The following OSBP2 variants were observed in gnomAD, a reference collection of about 807,000 sequenced individuals.
The protein encoded by OSBP2 is oxysterol-binding protein 2.
Under a neutral mutation model 96.0 loss-of-function variants are expected in OSBP2, and 66 were observed. The observed-to-expected ratio is 0.69, with a 90% confidence interval of 0.56 to 0.84. The LOEUF is 0.84. Ranked by LOEUF, OSBP2 falls within the 40% of genes least tolerant of loss-of-function variation. The pLI is 0.00. For synonymous variants in OSBP2, 525 were observed against 520.9 expected, an observed-to-expected ratio of 1.01 and a Z score of -0.11; for missense variants, 1,038 against 1,222.7, an observed-to-expected ratio of 0.85 and a Z score of 2.25.
intron 2 of OSBP2, among the ~76,000 whole-genome samples, chr22:30,807,395 C>A (rs1216844292): frequency 6.6e-6 from 1 of 152,214 alleles, no homozygotes; most frequent in Non-Finnish European, 1.5e-5. Flanking sequence ...AGCCAGGGTG[C>A]CTCCCTGCAC....
At chr22:30,878,263 C>T (rs1309702417) in intron 3 of OSBP2, among the ~76,000 whole-genome samples, 1 of 152,266 alleles carries the variant, frequency 6.6e-6, no homozygotes, top group East Asian at 1.9e-4. Context: ...TGCATTTTAG[C>T]AAGACCCCTC....
rs373508850 is a variant in OSBP2 at position 30,890,884 on chromosome 22, C to T, written c.1780C>T (p.Arg594Cys). Residue 594 changes from arginine (R) to cysteine (C), a missense_variant, in exon 8 of 14, where the codon CGC (arginine) becomes TGC (cysteine). By Grantham distance (180) the Arg-to-Cys change is radical (BLOSUM62 -3). Coordinates refer to ENST00000332585, the MANE Select transcript of OSBP2 (RefSeq NM_030758.4). This position sits in a 1 kb window ranked among gnomAD's most constrained non-coding sequence, Gnocchi z 4.4. ...GTCCTCCTACTCCACCACAGTGCAC[C>T]GCATCGCCAAGCCCTTCAACCCCAT... is the stretch of plus-strand genomic sequence containing the variant. ...SVSSYSTTVH[R>C]IAKPFNPMLG... is the part of the protein sequence containing the mutation. 20 of 1,613,546 alleles carry T rather than the reference C, an allele frequency of 1.2e-5. No individual in the cohort carries two copies. The highest frequency in any genetic ancestry group is 1.0e-5 in the Non-Finnish European group (12 of 1,180,040).
At chr22:30,815,029 C>T (rs1006886846) in intron 2 of OSBP2, among the ~76,000 whole-genome samples, 13 of 152,166 alleles carry the variant, frequency 8.5e-5, no homozygotes, top group African/African-American at 3.1e-4. Context: ...CACCTGTAAT[C>T]CCAGCACTTT....
rs1169363652 is a variant in OSBP2 at position 30,864,184 on chromosome 22, C to T, written c.854-6245C>T. Reference sequence around the variant, plus strand: ...ATGGGGTTTCACCATATTGGCCAGGCTGGTCTCAAACTCCTGACCTCAGGT... The same window carrying T: ...ATGGGGTTTCACCATATTGGCCAGGTTGGTCTCAAACTCCTGACCTCAGGT... On this transcript the variant is annotated intron_variant, in intron 2 of 13. Transcript: ENST00000332585. Among the ~76,000 whole-genome samples, 4 of 152,252 alleles carry T rather than the reference C, an allele frequency of 2.6e-5. No individual in the cohort carries two copies. In the East Asian group the frequency reaches 7.7e-4, roughly 29 times the overall value.
chr22:30,804,205 G>A (rs529960608), intron 2 of OSBP2, among the ~76,000 whole-genome samples: 22 of 152,322 alleles, frequency 1.4e-4, no homozygotes, highest in African/African-American at 5.1e-4. Flanking sequence ...GGAGGAGAGG[G>A]AGTGGAGAGG....
intron 1 of OSBP2, among the ~76,000 whole-genome samples, chr22:30,722,787 CTTT>C (rs34874706): frequency 2.1e-5 from 2 of 95,862 alleles, no homozygotes; most frequent in Non-Finnish European, 4.1e-5. Context: ...CTCTCTCTGT[CTTT>C]TTTTTTTTTT....
chr22:30,832,568 G>A (rs1000441571), intron 2 of OSBP2, among the ~76,000 whole-genome samples: 2 of 152,184 alleles, frequency 1.3e-5, no homozygotes, highest in Non-Finnish European at 2.9e-5. Flanking sequence ...GGCAGGAGCT[G>A]CTGCTTGTAT....
chr22:30,822,463 A>T, intron 2 of OSBP2: 2 of 1,246,776 alleles, frequency 1.6e-6, no homozygotes, highest in Non-Finnish European at 2.1e-6. Flanking sequence ...GCGCTCATGT[A>T]CCGGGTGGCG....
intron 2 of OSBP2, among the ~76,000 whole-genome samples, chr22:30,794,512 G>T (rs1335113495): frequency 6.6e-6 from 1 of 151,766 alleles, no homozygotes; most frequent in Non-Finnish European, 1.5e-5. Context: ...TGATCCGCCC[G>T]CCTCAGCCTC....
chr22:30,797,849 C>T (rs948845285), intron 2 of OSBP2, among the ~76,000 whole-genome samples: 2 of 152,210 alleles, frequency 1.3e-5, no homozygotes, highest in Non-Finnish European at 2.9e-5. Context: ...CCACCTTGGT[C>T]TCCCAAAGTG....
chr22:30,892,696 A>C (rs1026792649), intron 8 of OSBP2, among the ~76,000 whole-genome samples: 1 of 152,120 alleles, frequency 6.6e-6, no homozygotes, highest in Non-Finnish European at 1.5e-5. Flanking sequence ...CCCCTTGGCT[A>C]AAATCACTCT....
At chr22:30,775,523 A>T (rs2090419934) in intron 2 of OSBP2, among the ~76,000 whole-genome samples, 1 of 151,832 alleles carries the variant, frequency 6.6e-6, no homozygotes, top group Non-Finnish European at 1.5e-5. Flanking sequence ...AGGCTGAGGC[A>T]AGAGAATCGC....
Position 30,863,979 on chromosome 22 carries a change from T to G in OSBP2, c.854-6450T>G, listed in dbSNP as rs193087089. Among the ~76,000 whole-genome samples the G allele has an allele frequency of 1.5e-3, 223 of 151,972 alleles. 1 individual carries two copies. In the Middle Eastern group the frequency reaches 0.024, roughly 16 times the overall value. On this transcript the variant is annotated intron_variant, in intron 2 of 13. Transcript: ENST00000332585. ...GCCATCATGTTTTTTTTTTGTTGTT[T>G]TTTTTTTTTGAAACGGAGTCTGACT... is the stretch of plus-strand genomic sequence containing the variant.
intron 1 of OSBP2, among the ~76,000 whole-genome samples, chr22:30,740,198 G>A (rs5997751): frequency 0.02 from 3,058 of 152,210 alleles, 104 homozygotes; most frequent in African/African-American, 0.068. Flanking sequence ...GAACCAGTAA[G>A]CCAGGAGTGC....
In OSBP2 at chr22:30,728,029, C is replaced by T. The variant is rs141654415; in HGVS notation, c.645-13132C>T. On this transcript the variant is annotated intron_variant, in intron 1 of 13. Transcript: ENST00000332585. ...CTGAGGCAGGAAAATTGCTTGAACCCGGGAGGTGAGGTTGCCATGAGCCGA... is the reference window on the plus strand; with the variant it reads ...CTGAGGCAGGAAAATTGCTTGAACCTGGGAGGTGAGGTTGCCATGAGCCGA... Among the ~76,000 whole-genome samples, 407 of 146,286 alleles carry T rather than the reference C, an allele frequency of 2.8e-3. 1 individual carries two copies. Among genetic ancestry groups the T allele is most frequent in the African/African-American group, 9.7e-3 (381 of 39,454 alleles).
At position 30,905,960 on chromosome 22, in the gene OSBP2, T is replaced by C. The variant is rs537321354; in HGVS notation, c.2499T>C (p.Arg833=). Residue 833 remains arginine (R), a synonymous_variant, in exon 13 of 14, where the codon CGT becomes CGC. Transcript: ENST00000332585. ...RPDQRLMEKG[R]WDEANTEKQR... is the part of the protein sequence containing the mutation. ...ACCAGCGGCTGATGGAGAAGGGCCG[T>C]TGGGACGAGGCCAATACCGAGAAGC... 461 of 1,610,924 alleles carry C rather than the reference T, an allele frequency of 2.9e-4. 5 individuals carry two copies. The South Asian group carries it at 4.9e-3, about 17-fold the overall frequency.
chr22:30,862,948 G>A (rs1000306179), intron 2 of OSBP2, among the ~76,000 whole-genome samples: 11 of 146,788 alleles, frequency 7.5e-5, no homozygotes, highest in South Asian at 4.5e-4. Context: ...ACTCCAGCCC[G>A]GGTGACTCTG....
chr22:30,722,596 G>A (rs2089568738), intron 1 of OSBP2, among the ~76,000 whole-genome samples: 1 of 151,920 alleles, frequency 6.6e-6, no homozygotes, highest in African/African-American at 2.4e-5. Flanking sequence ...TGGAAGTCAA[G>A]ATCCTGATCT....
chr22:30,882,710 G>C (rs1458406347), intron 3 of OSBP2, among the ~76,000 whole-genome samples: 1 of 152,218 alleles, frequency 6.6e-6, no homozygotes, highest in Non-Finnish European at 1.5e-5. Context: ...CAGGAGATGA[G>C]GCTGGAGAGG....
Sources: allele counts gnomAD v4.1 joint callset (sites outside exome capture counted in the v4.1 genomes callset), GRCh38; gene constraint gnomAD v4.1.1; non-coding constraint Gnocchi (gnomAD v3.1); transcripts MANE v1.5; gene names NCBI Gene and HGNC (gene_info 2026-07-23, HGNC 2026-07-21).